Variants in ERC1 observed in about 807,000 individuals in gnomAD.
ERC1 encodes ELKS/RAB6-interacting/CAST family member 1, also known as RAB6 interacting protein 2.
In ERC1, 56 loss-of-function variants were observed where a neutral mutation model predicts 132.0. The ratio of observed to expected loss-of-function variants is 0.42; its 90% CI spans 0.34 to 0.53. The LOEUF is 0.53. ERC1 is among the 20% of genes least tolerant of loss of function. The probability of loss-of-function intolerance (pLI) is 0.03; values close to 1 mark genes in which losing one functional copy is unlikely to be tolerated. For synonymous variants in ERC1, 478 were observed against 476.1 expected (o/e 1.00, Z -0.05); for missense variants, 1,202 against 1,349.9 (o/e 0.89, Z 1.72).
chr12:1,361,120 T>C (rs376983350), intron 15 of ERC1, among the ~76,000 whole-genome samples: 2 of 131,236 alleles, frequency 1.5e-5, no homozygotes, highest in Non-Finnish European at 3.3e-5. Context: ...AAAAAAAAGG[T>C]GGGCATGGAA....
chr12:1,207,124 T>G (rs1594219410), intron 12 of ERC1, among the ~76,000 whole-genome samples: 1 of 152,306 alleles, frequency 6.6e-6, no homozygotes, highest in East Asian at 1.9e-4. Flanking sequence ...CATTTCACAT[T>G]AATTTCTAAA....
intron 1 of ERC1, among the ~76,000 whole-genome samples, chr12:1,018,581 A>C (rs1965880504): frequency 6.6e-6 from 1 of 152,246 alleles, no homozygotes; most frequent in Admixed American, 6.5e-5. Flanking sequence ...AAAATGTTAA[A>C]AATTGCTTTC....
Position 1,193,166 on chromosome 12 carries a change from T to C in ERC1, c.2351+3114T>C, listed in dbSNP as rs560065034. Among the ~76,000 whole-genome samples the C allele has an allele frequency of 1.8e-4, 27 of 152,294 alleles. No individual in the cohort carries two copies. In the Middle Eastern group the frequency reaches 0.017, roughly 96 times the overall value. ...TTATGAAGGATTCCCAGGCCTGTTC[T>C]TTGTGATCTAAAGAAATAAATAAAT... On this transcript the variant is annotated intron_variant, in intron 12 of 18. Transcript: ENST00000360905.
At chr12:1,053,487 T>C (rs1382496196) in intron 2 of ERC1, among the ~76,000 whole-genome samples, 9 of 152,336 alleles carry the variant, frequency 5.9e-5, no homozygotes, top group Admixed American at 5.9e-4. Flanking sequence ...CTGAACTTGC[T>C]AGCTTCTATA....
chr12:1,098,032 G>T (rs747644740), intron 3 of ERC1, among the ~76,000 whole-genome samples: 2 of 152,116 alleles, frequency 1.3e-5, no homozygotes, highest in Non-Finnish European at 2.9e-5. Flanking sequence ...ATTTTGCTCC[G>T]CAAAGTTTTG....
chr12:1,494,396 G>C lies in ERC1; in HGVS notation c.*4166G>C, dbSNP rs1219002882. 3 of 232,156 alleles carry C rather than the reference G, an allele frequency of 1.3e-5. No individual in the cohort carries two copies. The highest frequency in any genetic ancestry group is 1.3e-3 in the Middle Eastern group (1 of 780). 14.4% of individuals were successfully genotyped at this position (232,156 alleles called of 1,614,324 possible). A position where few individuals can be genotyped will look rare whatever the true frequency, so the allele number is the denominator to read the frequency against. Reference sequence around the variant, plus strand: ...ATTAGGGAAGAATTAGGCAAGAAAAGACATACATTACAGGGAAATCCTTCT... The same window carrying C: ...ATTAGGGAAGAATTAGGCAAGAAAACACATACATTACAGGGAAATCCTTCT... On this transcript the variant is annotated 3_prime_UTR_variant, in exon 19 of 19. Coordinates refer to ENST00000360905, the MANE Select transcript of ERC1 (RefSeq NM_178040.4).
chr12:1,401,424 A>G (rs1037435820), intron 16 of ERC1, among the ~76,000 whole-genome samples: 4 of 152,246 alleles, frequency 2.6e-5, no homozygotes, highest in South Asian at 2.1e-4. Context: ...GAGGACATGG[A>G]TGTATGGGTT....
intron 17 of ERC1, among the ~76,000 whole-genome samples, chr12:1,425,959 G>A (rs948929607): frequency 3.3e-5 from 5 of 152,116 alleles, no homozygotes; most frequent in Admixed American, 6.5e-5. Flanking sequence ...TTGAGGCACC[G>A]ATGTAATGAA....
chr12:1,200,284 T>C (rs1302017926), intron 12 of ERC1, among the ~76,000 whole-genome samples: 1 of 152,198 alleles, frequency 6.6e-6, no homozygotes, highest in Non-Finnish European at 1.5e-5. Flanking sequence ...TTTTTTCTTA[T>C]CTGTCTTTTC....
At chr12:1,458,393 C>G (rs971790072) in intron 18 of ERC1, among the ~76,000 whole-genome samples, 2 of 151,954 alleles carry the variant, frequency 1.3e-5, no homozygotes, top group South Asian at 2.1e-4. Context: ...AAGACAAATC[C>G]TATCGTATTG....
chr12:1,025,794 GTTTT>G (rs1172351394), intron 1 of ERC1, among the ~76,000 whole-genome samples: 1 of 127,600 alleles, frequency 7.8e-6, no homozygotes, highest in Non-Finnish European at 1.6e-5. Context: ...AAAAAGGAAA[GTTTT>G]TTTTTTTTTT....
intron 14 of ERC1, among the ~76,000 whole-genome samples, chr12:1,263,443 CTAGA>C (rs1249417423): frequency 6.6e-6 from 1 of 152,088 alleles, no homozygotes; most frequent in Non-Finnish European, 1.5e-5. Context: ...TGCCCTGTTC[CTAGA>C]TAAATGCCTT....
intron 15 of ERC1, among the ~76,000 whole-genome samples, chr12:1,347,754 G>A (rs1169382935): frequency 3.9e-5 from 6 of 152,166 alleles, no homozygotes; most frequent in South Asian, 2.1e-4. Context: ...AGACCGAGAC[G>A]GGCAGATCAC....
intron 15 of ERC1, among the ~76,000 whole-genome samples, chr12:1,360,864 C>G (rs1393919655): frequency 6.6e-6 from 1 of 152,074 alleles, no homozygotes; most frequent in Non-Finnish European, 1.5e-5. Flanking sequence ...GAGAGGATCA[C>G]TTGAGCCCAG....
intron 14 of ERC1, among the ~76,000 whole-genome samples, chr12:1,281,630 A>G (rs1332903820): frequency 6.6e-6 from 1 of 152,182 alleles, no homozygotes; most frequent in Admixed American, 6.5e-5. Flanking sequence ...TTTTGTGTTA[A>G]TTGATTCCAT....
intron 18 of ERC1, among the ~76,000 whole-genome samples, chr12:1,479,983 C>T (rs2094054694): frequency 6.6e-6 from 1 of 152,118 alleles, no homozygotes; most frequent in Admixed American, 6.6e-5. Context: ...GTTATTTTAA[C>T]AAAGCATGTT....
chr12:1,168,782 G>A (rs990803026), intron 8 of ERC1, among the ~76,000 whole-genome samples: 2 of 151,460 alleles, frequency 1.3e-5, no homozygotes, highest in Admixed American at 6.6e-5. Context: ...CCATCGTGCC[G>A]GCTGTGACGG....
At chr12:1,180,761 C>T (rs947652911) in intron 9 of ERC1, 84 bp downstream of exon 9, 9 of 1,526,168 alleles carry the variant, frequency 5.9e-6, no homozygotes, top group Non-Finnish European at 8.1e-6. Context: ...AAAGAAATCC[C>T]TGTGGGCACA....
intron 8 of ERC1, among the ~76,000 whole-genome samples, chr12:1,155,373 G>A (rs1951280877): frequency 6.6e-6 from 1 of 150,920 alleles, no homozygotes; most frequent in African/African-American, 2.4e-5. Flanking sequence ...CCACTACTAG[G>A]AGTCTACCCA....
Sources: allele counts gnomAD v4.1 joint callset (sites outside exome capture counted in the v4.1 genomes callset), GRCh38; gene constraint gnomAD v4.1.1; transcripts MANE v1.5; gene names NCBI Gene and HGNC (gene_info 2026-07-23, HGNC 2026-07-21).